The following RCAN1 variants were observed in gnomAD, a reference collection of about 807,000 sequenced individuals.
RCAN1 encodes regulator of calcineurin 1.
In RCAN1, 11 loss-of-function variants were observed where a neutral mutation model predicts 22.9. The observed-to-expected ratio is 0.48, with a 90% CI of 0.30 to 0.79. The LOEUF (loss-of-function observed/expected upper bound fraction) is 0.79, where lower values mean the gene tolerates loss of function less well. Ranked by LOEUF, RCAN1 falls within the 30% of genes least tolerant of loss-of-function variation. The probability of loss-of-function intolerance (pLI) is 0.06; values close to 1 mark genes in which losing one functional copy is unlikely to be tolerated. For missense variants in RCAN1, 291 were observed against 337.8 expected, an observed-to-expected ratio of 0.86 and a Z score of 1.09; for synonymous variants, 136 against 142.3, an observed-to-expected ratio of 0.96 and a Z score of 0.32.
intron 1 of RCAN1, among the ~76,000 whole-genome samples, chr21:34,553,363 A>G (rs902988790): frequency 1.3e-5 from 2 of 152,200 alleles, no homozygotes; most frequent in Non-Finnish European, 2.9e-5. Flanking sequence ...TAATAAAAAA[A>G]AAGACTCTAG....
chr21:34,518,841 C>G lies in RCAN1; in HGVS notation c.587-585G>C, dbSNP rs1273809674. On this transcript the variant is annotated intron_variant, in intron 3 of 3. Coordinates refer to ENST00000313806, the MANE Select transcript of RCAN1 (RefSeq NM_004414.7). This position sits in a 1 kb window ranked among gnomAD's most constrained non-coding sequence, Gnocchi z 4.2. ...AATCCCCGGGACCAGGAGTGTCCTG[C>G]TGTTCTATGTCAGCCTGAGTTCTAC... 6.6e-6 allele frequency among the ~76,000 whole-genome samples: 1 copy of G among 152,198 alleles called. No homozygotes were observed. The highest frequency in any genetic ancestry group is 1.5e-5 in the Non-Finnish European group (1 of 68,038).
rs1182538225 is a variant in RCAN1, at chr21:34,615,084, G to A, written c.-73C>T. ...TGCGCGCCGGAGCCTCACGCGCTCC[G>A]GTCCGCGCCCGGCCGGCGGCTCCGC... is the stretch of plus-strand genomic sequence containing the variant. On this transcript the variant is annotated 5_prime_UTR_variant, in exon 1 of 4. Coordinates refer to ENST00000313806, the MANE Select transcript of RCAN1 (RefSeq NM_004414.7). The A allele has an allele frequency of 6.0e-6, 6 of 1,004,892 alleles. No homozygotes were observed. Among genetic ancestry groups the A allele is most frequent in the South Asian group, 4.6e-5 (1 of 21,672 alleles). 62.2% of individuals were successfully genotyped at this position (1,004,892 alleles called of 1,614,324 possible).
chr21:34,607,424 C>G (rs1168632296), intron 1 of RCAN1, among the ~76,000 whole-genome samples: 2 of 151,498 alleles, frequency 1.3e-5, no homozygotes, highest in Non-Finnish European at 2.9e-5. Context: ...GAGTCTTGCT[C>G]TGTATTCCAG....
chr21:34,527,157 C>T (rs528394773), intron 1 of RCAN1, among the ~76,000 whole-genome samples: 7 of 152,146 alleles, frequency 4.6e-5, no homozygotes, highest in Non-Finnish European at 8.8e-5. Context: ...ACACGCTCCT[C>T]GGCCGAATGG....
chr21:34,557,159 G>A (rs558156916), intron 1 of RCAN1, among the ~76,000 whole-genome samples: 6 of 152,288 alleles, frequency 3.9e-5, no homozygotes, highest in South Asian at 4.1e-4. Flanking sequence ...GTTGCAGTGA[G>A]CCGAGATCAC....
At chr21:34,564,957 C>T (rs780433618) in intron 1 of RCAN1, among the ~76,000 whole-genome samples, 3 of 152,082 alleles carry the variant, frequency 2.0e-5, no homozygotes, top group Admixed American at 6.6e-5. Flanking sequence ...CCCAGTGCTT[C>T]GGGAGGCCAA....
At chr21:34,534,316 T>C (rs1453855944) in intron 1 of RCAN1, among the ~76,000 whole-genome samples, 1 of 151,848 alleles carries the variant, frequency 6.6e-6, no homozygotes, top group Non-Finnish European at 1.5e-5. Flanking sequence ...TGAACTCTTG[T>C]TCATCCTTTA....
At chr21:34,533,151 G>A (rs1420442667) in intron 1 of RCAN1, among the ~76,000 whole-genome samples, 3 of 151,592 alleles carry the variant, frequency 2.0e-5, no homozygotes, top group East Asian at 3.9e-4. Flanking sequence ...TAGTAGAGAT[G>A]GGGTTTCACC....
chr21:34,581,178 CT>C (rs5843673), intron 1 of RCAN1, among the ~76,000 whole-genome samples: 110,166 of 151,456 alleles, frequency 0.73, 40,150 homozygotes, highest in East Asian at 0.78. Context: ...TCTCTAATAA[CT>C]TTTTTTTTTA....
chr21:34,523,835 T>G (rs1601132017), intron 1 of RCAN1, 125 bp from the exon 2 acceptor site: 7 of 715,580 alleles, frequency 9.8e-6, no homozygotes, highest in Non-Finnish European at 1.5e-5. Context: ...CAGGCTGGAG[T>G]GCAGTGGTGC....
At chr21:34,555,228 C>T (rs1163635537) in intron 1 of RCAN1, among the ~76,000 whole-genome samples, 5 of 152,150 alleles carry the variant, frequency 3.3e-5, no homozygotes, top group Non-Finnish European at 7.3e-5. Flanking sequence ...CAGTGAGTGC[C>T]TCTTATTTGG....
chr21:34,572,108 A>G (rs2409526), intron 1 of RCAN1, among the ~76,000 whole-genome samples: 5,900 of 152,250 alleles, frequency 0.039, 332 homozygotes, highest in African/African-American at 0.11. Flanking sequence ...TCTCTGAAGC[A>G]AACACAGAAA....
chr21:34,551,682 T>C (rs918470398), intron 1 of RCAN1, among the ~76,000 whole-genome samples: 2 of 152,196 alleles, frequency 1.3e-5, no homozygotes, highest in Admixed American at 6.5e-5. Flanking sequence ...CCTTTGTTCA[T>C]TGGACTTCCA....
At chr21:34,583,928 TAC>T (rs1568922752) in intron 1 of RCAN1, among the ~76,000 whole-genome samples, 2 of 152,048 alleles carry the variant, frequency 1.3e-5, no homozygotes, top group East Asian at 3.8e-4. Context: ...AATTTATTAT[TAC>T]ACACACATAC....
At chr21:34,525,113 T>TGGGA (rs1984935000) in intron 1 of RCAN1, 1 of 1,550,506 alleles carries the variant, frequency 6.4e-7, no homozygotes, top group African/African-American at 1.4e-5. Context: ...GAAGGCGCAG[T>TGGGA]GTCTCTGCAG....
At chr21:34,587,085 G>A (rs557609610) in intron 1 of RCAN1, among the ~76,000 whole-genome samples, 66 of 152,248 alleles carry the variant, frequency 4.3e-4, no homozygotes, top group Non-Finnish European at 6.2e-4. Flanking sequence ...CAGGACTGAT[G>A]AAGAAAAGAG....
intron 1 of RCAN1, among the ~76,000 whole-genome samples, chr21:34,579,696 G>A (rs1379720716): frequency 1.3e-5 from 2 of 152,076 alleles, no homozygotes; most frequent in Non-Finnish European, 2.9e-5. Flanking sequence ...TCACTCTTAG[G>A]CTTTATAGAA....
intron 1 of RCAN1, among the ~76,000 whole-genome samples, chr21:34,596,486 C>T (rs1201929701): frequency 6.6e-6 from 1 of 152,146 alleles, no homozygotes. Flanking sequence ...CCGAGAAAGC[C>T]TCCTTGCCCA....
chr21:34,607,968 T>G (rs2123734889), intron 1 of RCAN1, among the ~76,000 whole-genome samples: 1 of 152,244 alleles, frequency 6.6e-6, no homozygotes, highest in African/African-American at 2.4e-5. Flanking sequence ...GCATGAACCC[T>G]ATTGTGAACT....
Sources: gnomAD v4.1 joint callset for allele counts (sites outside exome capture counted in the v4.1 genomes callset) on GRCh38, gnomAD v4.1.1 for gene constraint, Gnocchi (gnomAD v3.1) non-coding constraint, MANE v1.5 for transcripts, NCBI Gene and HGNC (gene_info 2026-07-23, HGNC 2026-07-21) for gene names.